THSD7B: variants seen among roughly 807,000 people sequenced by gnomAD.
The protein encoded by THSD7B is thrombospondin type-1 domain-containing protein 7B.
Under a neutral mutation model 213.6 loss-of-function variants are expected in THSD7B, and 138 were observed. That is an observed-to-expected ratio of 0.65 (90% CI 0.56 to 0.74). THSD7B has a LOEUF of 0.74. THSD7B is among the 30% of genes least tolerant of loss of function. The probability of loss-of-function intolerance (pLI) is 0.00; values close to 1 mark genes in which losing one functional copy is unlikely to be tolerated. For synonymous variants in THSD7B, 742 were observed against 687.0 expected (o/e 1.08, Z -1.25); for missense variants, 1,931 against 1,991.5 (o/e 0.97, Z 0.58).
At chr2:137,467,868 A>G (rs1208888398) in intron 15 of THSD7B, among the ~76,000 whole-genome samples, 1 of 152,192 alleles carries the variant, frequency 6.6e-6, no homozygotes, top group Non-Finnish European at 1.5e-5. Flanking sequence ...ATGATAAATA[A>G]GGAAACCCCA....
intron 2 of THSD7B, among the ~76,000 whole-genome samples, chr2:137,031,795 T>C (rs367826498): frequency 6.6e-6 from 1 of 151,948 alleles, no homozygotes. Flanking sequence ...TATCCATGTC[T>C]TAAATCACTG....
chr2:137,223,762 T>G (rs556645946), intron 7 of THSD7B, among the ~76,000 whole-genome samples: 1 of 152,212 alleles, frequency 6.6e-6, no homozygotes, highest in East Asian at 1.9e-4. Flanking sequence ...AAATCTCATG[T>G]TGAATTGTAA....
intron 17 of THSD7B, among the ~76,000 whole-genome samples, chr2:137,601,385 C>G (rs1682073979): frequency 6.6e-6 from 1 of 152,244 alleles, no homozygotes; most frequent in African/African-American, 2.4e-5. Context: ...ATATGTTACT[C>G]TACCTTTTTT....
chr2:137,463,843 G>A (rs1266389587), intron 15 of THSD7B, among the ~76,000 whole-genome samples: 1 of 152,028 alleles, frequency 6.6e-6, no homozygotes, highest in Non-Finnish European at 1.5e-5. Flanking sequence ...ATTAAAATGA[G>A]GTGGAATTTT....
chr2:136,936,387 A>G (rs1684728850), intron 2 of THSD7B, among the ~76,000 whole-genome samples: 1 of 152,234 alleles, frequency 6.6e-6, no homozygotes, highest in Admixed American at 6.5e-5. Context: ...TTATAGCAGC[A>G]CAATTCACAA....
chr2:136,911,512 A>C (rs1684256904), intron 2 of THSD7B, among the ~76,000 whole-genome samples: 1 of 152,264 alleles, frequency 6.6e-6, no homozygotes, highest in South Asian at 2.1e-4. Context: ...GTGAAAAATC[A>C]ATAGCAGTTT....
intron 12 of THSD7B, among the ~76,000 whole-genome samples, chr2:137,339,153 A>G (rs950033483): frequency 6.6e-6 from 1 of 152,060 alleles, no homozygotes; most frequent in Non-Finnish European, 1.5e-5. Context: ...ATCCCTGATA[A>G]TGTTCTTCTG....
chr2:137,520,533 C>T (rs779423891), intron 15 of THSD7B, among the ~76,000 whole-genome samples: 12 of 152,172 alleles, frequency 7.9e-5, no homozygotes, highest in South Asian at 2.1e-4. Flanking sequence ...CTCAGTGCTT[C>T]GTTAAAAGCA....
chr2:137,461,193 A>G (rs138189039), intron 15 of THSD7B, among the ~76,000 whole-genome samples: 24 of 152,220 alleles, frequency 1.6e-4, no homozygotes, highest in African/African-American at 5.8e-4. Flanking sequence ...GTCTTTTAAT[A>G]ATAGACACAT....
chr2:137,065,675 T>A (rs1430142510), intron 3 of THSD7B, among the ~76,000 whole-genome samples: 1 of 144,876 alleles, frequency 6.9e-6, no homozygotes, highest in Non-Finnish European at 1.5e-5. Flanking sequence ...GTTTGATTTT[T>A]TTCTTCTTTC....
Position 137,616,310 on chromosome 2 carries a change from C to G in THSD7B, c.3559C>G (p.Leu1187Val), listed in dbSNP as rs1156605849. The G allele has an allele frequency of 1.2e-6, 2 of 1,612,898 alleles. No individual in the cohort carries two copies. Among genetic ancestry groups the G allele is most frequent in the South Asian group, 2.2e-5 (2 of 90,896 alleles). Reference protein sequence around the residue: ...NENCFQFQYNLTEWSTCQLSE... With the variant: ...NENCFQFQYNVTEWSTCQLSE... ...AAATTGCTTCCAGTTCCAGTACAAT[C>G]TAACAGGTACAGTTAAAATCTATGA... The change falls in exon 18 of 28, where the codon CTA (leucine) becomes GTA (valine). Residue 1187 changes from leucine to valine, a missense_variant. Leu to Val is a conservative substitution (Grantham distance 32, BLOSUM62 1). Transcript: ENST00000409968.
At chr2:137,181,041 C>T (rs1043544238) in intron 7 of THSD7B, among the ~76,000 whole-genome samples, 1 of 152,182 alleles carries the variant, frequency 6.6e-6, no homozygotes, top group Admixed American at 6.5e-5. Flanking sequence ...CACACATTTC[C>T]CTCTGGCACA....
At chr2:137,298,167 A>G (rs1439169908) in intron 12 of THSD7B, among the ~76,000 whole-genome samples, 2 of 152,120 alleles carry the variant, frequency 1.3e-5, no homozygotes, top group Non-Finnish European at 2.9e-5. Context: ...GATGGAAATG[A>G]AGAACTTGTT....
intron 16 of THSD7B, among the ~76,000 whole-genome samples, chr2:137,564,091 AAAAT>A (rs1341609727): frequency 1.3e-5 from 2 of 152,224 alleles, no homozygotes; most frequent in African/African-American, 2.4e-5. Context: ...ATTAGTATGT[AAAAT>A]AAATAAGAAG....
At chr2:137,316,508 G>C (rs1476500387) in intron 12 of THSD7B, among the ~76,000 whole-genome samples, 2 of 152,170 alleles carry the variant, frequency 1.3e-5, no homozygotes, top group African/African-American at 4.8e-5. Context: ...GGGCGTGGTG[G>C]CTCACGCCTG....
chr2:137,006,327 G>A lies in THSD7B; in HGVS notation c.140-50093G>A, dbSNP rs185100352. Among the ~76,000 whole-genome samples, 606 of 152,184 alleles carry A rather than the reference G, an allele frequency of 4.0e-3. 6 individuals carry two copies. The highest frequency in any genetic ancestry group is 0.013 in the African/African-American group (550 of 41,502). ...GGAGAATGGCATGAACCCGGGAGGC[G>A]GAGCTTGCAGTGAGCCGAGATGACA... On this transcript the variant is annotated intron_variant, in intron 2 of 27. Coordinates refer to ENST00000409968, the MANE Select transcript of THSD7B (RefSeq NM_001316349.2).
chr2:136,793,807 T>C lies in THSD7B; in HGVS notation c.-36+28120T>C, dbSNP rs1682011058. Among the ~76,000 whole-genome samples, 2 of 151,938 alleles carry C rather than the reference T, an allele frequency of 1.3e-5. 1 individual carries two copies. The highest frequency in any genetic ancestry group is 4.1e-4 in the South Asian group (2 of 4,832). ...CTCATAACATAAATTGGAAAGTATT[T>C]TTACTTTTTTTTTTATTCCATAAGG... On this transcript the variant is annotated intron_variant, in intron 1 of 27. Coordinates refer to ENST00000409968, the MANE Select transcript of THSD7B (RefSeq NM_001316349.2).
intron 15 of THSD7B, among the ~76,000 whole-genome samples, chr2:137,502,204 A>G (rs946119853): frequency 9.0e-6 from 1 of 111,516 alleles, no homozygotes; most frequent in African/African-American, 3.0e-5. Context: ...TCATTATAAT[A>G]GTTTTGAACT....
At chr2:136,974,052 A>G (rs935679447) in intron 2 of THSD7B, among the ~76,000 whole-genome samples, 20 of 152,166 alleles carry the variant, frequency 1.3e-4, no homozygotes, top group African/African-American at 4.6e-4. Flanking sequence ...ATGAATGTTC[A>G]TCTGAACTTG....
Sources: allele counts gnomAD v4.1 joint callset (sites outside exome capture counted in the v4.1 genomes callset), GRCh38; gene constraint gnomAD v4.1.1; transcripts MANE v1.5; gene names NCBI Gene and HGNC (gene_info 2026-07-23, HGNC 2026-07-21).